The following PDE1A variants were observed in gnomAD, a reference collection of about 807,000 sequenced individuals.
PDE1A encodes the protein dual specificity calcium/calmodulin-dependent 3',5'-cyclic nucleotide phosphodiesterase 1A.
A neutral mutation model predicts 61.7 loss-of-function variants in PDE1A; 35 were observed. The ratio of observed to expected loss-of-function variants is 0.57; its 90% CI spans 0.43 to 0.75. PDE1A has a LOEUF of 0.75. Among genes scored for constraint, PDE1A ranks in the 30% least tolerant of loss-of-function variants. The pLI is 0.00. For synonymous variants in PDE1A, 232 were observed against 213.2 expected (o/e 1.09, Z -0.77); for missense variants, 597 against 630.6 (o/e 0.95, Z 0.57).
At chr2:182,238,871 T>A (rs1280958031) in intron 3 of PDE1A, among the ~76,000 whole-genome samples, 1 of 152,226 alleles carries the variant, frequency 6.6e-6, no homozygotes, top group Non-Finnish European at 1.5e-5. Flanking sequence ...AATCAGTTGA[T>A]CTTCCTCCAC....
At chr2:182,426,343 T>C (rs1228165775) in intron 1 of PDE1A, among the ~76,000 whole-genome samples, 1 of 152,234 alleles carries the variant, frequency 6.6e-6, no homozygotes, top group South Asian at 2.1e-4. Flanking sequence ...ATGTCACTTA[T>C]GTGTTTGAAT....
chr2:182,277,148 T>C (rs912522258), intron 1 of PDE1A, among the ~76,000 whole-genome samples: 3 of 152,052 alleles, frequency 2.0e-5, no homozygotes, highest in Admixed American at 1.3e-4. Context: ...TTTTTGCCCT[T>C]TGAAGCATGT....
the PDE1A span, among the ~76,000 whole-genome samples, chr2:182,651,608 T>A: frequency 6.6e-6 from 1 of 152,228 alleles, no homozygotes; most frequent in African/African-American, 2.4e-5. Context: ...GACTATTTCA[T>A]CTTTTGTGTG....
intron 1 of PDE1A, among the ~76,000 whole-genome samples, chr2:182,369,328 C>T (rs1263484260): frequency 6.6e-6 from 1 of 152,090 alleles, no homozygotes; most frequent in East Asian, 1.9e-4. Context: ...AGCTTCTTAT[C>T]GCACAGGTTT....
chr2:182,630,488 C>A, the PDE1A span, among the ~76,000 whole-genome samples: 1 of 151,840 alleles, frequency 6.6e-6, no homozygotes, highest in Non-Finnish European at 1.5e-5. Context: ...CATATTGATT[C>A]AAATACAATA....
chr2:182,646,700 A>G, the PDE1A span, among the ~76,000 whole-genome samples: 1 of 152,050 alleles, frequency 6.6e-6, no homozygotes, highest in Non-Finnish European at 1.5e-5. Flanking sequence ...AAAAAAAAAG[A>G]ATTAAGCAAA....
intron 6 of PDE1A, among the ~76,000 whole-genome samples, chr2:182,224,923 G>A (rs754325041): frequency 3.3e-5 from 5 of 151,834 alleles, no homozygotes; most frequent in Admixed American, 2.0e-4. Context: ...TTGATGGTAC[G>A]AATGCGGAAT....
chr2:182,508,943 G>A (rs548046718), intron 2 of PDE1A, among the ~76,000 whole-genome samples: 55 of 149,892 alleles, frequency 3.7e-4, no homozygotes, highest in South Asian at 1.3e-3. Flanking sequence ...TATATCTCCC[G>A]ATGCTATCCC....
exon 15 of PDE1A, chr2:182,140,245 A>C (rs962901646): frequency 1.3e-5 from 2 of 152,140 alleles, no homozygotes; most frequent in Admixed American, 6.5e-5. Flanking sequence ...AAGACTTGAA[A>C]TTTCTAGAGG....
chr2:182,231,708 G>A (rs1689594517), intron 4 of PDE1A, among the ~76,000 whole-genome samples: 1 of 152,128 alleles, frequency 6.6e-6, no homozygotes, highest in Non-Finnish European at 1.5e-5. Context: ...GAGGTCAGGA[G>A]TTCGAGGCCA....
At chr2:182,661,750 C>T in the PDE1A span, among the ~76,000 whole-genome samples, 14 of 152,178 alleles carry the variant, frequency 9.2e-5, no homozygotes, top group African/African-American at 3.1e-4. Flanking sequence ...TATTCCTAAA[C>T]TAGCAATAAA....
the PDE1A span, among the ~76,000 whole-genome samples, chr2:182,593,887 T>C: frequency 6.6e-6 from 1 of 152,192 alleles, no homozygotes; most frequent in African/African-American, 2.4e-5. Flanking sequence ...TATTTGAGTA[T>C]TCCCTTGTGT....
intron 2 of PDE1A, among the ~76,000 whole-genome samples, chr2:182,515,942 GTGTGTGTGTTTC>G (rs1690105628): frequency 7.3e-6 from 1 of 136,388 alleles, no homozygotes; most frequent in Non-Finnish European, 1.6e-5. Context: ...GATTGTGCGT[GTGTGTGTGTTTC>G]TGTGTGTGTG....
chr2:182,342,564 T>A (rs1698260683), intron 1 of PDE1A, among the ~76,000 whole-genome samples: 1 of 152,156 alleles, frequency 6.6e-6, no homozygotes. Context: ...GTGCCTGTAG[T>A]CCTAGCTACT....
intron 1 of PDE1A, among the ~76,000 whole-genome samples, chr2:182,357,267 G>A (rs2125139899): frequency 6.6e-6 from 1 of 151,518 alleles, no homozygotes; most frequent in South Asian, 2.1e-4. Context: ...GAGAGAGCAA[G>A]GAGGAAGGAA....
chr2:182,499,304 G>A lies in PDE1A; in HGVS notation c.101+22972C>T, dbSNP rs550216133. Among the ~76,000 whole-genome samples, 99 of 151,140 alleles carry A rather than the reference G, an allele frequency of 6.6e-4. 1 individual carries two copies. The highest frequency in any genetic ancestry group is 2.5e-3 in the South Asian group (12 of 4,766). On this transcript the variant is annotated intron_variant, in intron 2 of 14. Coordinates refer to the PDE1A transcript ENST00000410103. ...CCATTCTCCTGCCTCAGCCTCCCAA[G>A]TAGCTGGGACTACAGGCGCCCGCAA...
chr2:182,640,337 G>T, the PDE1A span, among the ~76,000 whole-genome samples: 1 of 152,120 alleles, frequency 6.6e-6, no homozygotes, highest in East Asian at 1.9e-4. Flanking sequence ...ATAAAAGTGG[G>T]GATAACAGTG....
chr2:182,688,862 A>G, the PDE1A span, among the ~76,000 whole-genome samples: 2 of 152,230 alleles, frequency 1.3e-5, no homozygotes, highest in African/African-American at 2.4e-5. Context: ...AAACAAAAAA[A>G]GGCAGGGGTT....
chr2:182,649,078 C>G, the PDE1A span, among the ~76,000 whole-genome samples: 1 of 152,244 alleles, frequency 6.6e-6, no homozygotes, highest in East Asian at 1.9e-4. Context: ...AGGTAGCAGG[C>G]CCCTCTGGTG....
Sources: gnomAD v4.1 joint callset for allele counts (sites outside exome capture counted in the v4.1 genomes callset) on GRCh38, gnomAD v4.1.1 for gene constraint, MANE v1.5 for transcripts, NCBI Gene and HGNC (gene_info 2026-07-23, HGNC 2026-07-21) for gene names.